The following MYO3A variants were observed in gnomAD, a reference collection of about 807,000 sequenced individuals.
MYO3A encodes the protein myosin IIIA, also known as myosin-IIIa.
Under a neutral mutation model 192.7 loss-of-function variants are expected in MYO3A, and 180 were observed. That is an observed-to-expected ratio of 0.93 (90% CI 0.83 to 1.06). MYO3A has a LOEUF of 1.06. MYO3A is among the 50% of genes least tolerant of loss of function. MYO3A has a pLI of 0.00. For synonymous variants in MYO3A, 628 were observed against 645.3 expected (o/e 0.97, Z 0.41); for missense variants, 1,896 against 1,905.0 (o/e 1.00, Z 0.09).
At chr10:26,052,735 T>C (rs1303634059) in intron 10 of MYO3A, among the ~76,000 whole-genome samples, 4 of 152,182 alleles carry the variant, frequency 2.6e-5, no homozygotes, top group Non-Finnish European at 5.9e-5. Context: ...TTTACAAGAG[T>C]ATTTTAAAGC....
At chr10:25,952,472 A>G (rs72789930) in intron 3 of MYO3A, among the ~76,000 whole-genome samples, 194 bp downstream of exon 3, 7 of 152,308 alleles carry the variant, frequency 4.6e-5, no homozygotes, top group Admixed American at 1.3e-4. Context: ...ATAAGGCACA[A>G]TAAGTACTTG....
intron 4 of MYO3A, among the ~76,000 whole-genome samples, chr10:25,979,853 G>A (rs1053858133): frequency 6.6e-6 from 1 of 152,150 alleles, no homozygotes; most frequent in African/African-American, 2.4e-5. Context: ...GCCAATAGCA[G>A]TTTCACAGCC....
intron 34 of MYO3A, among the ~76,000 whole-genome samples, chr10:26,208,915 G>A (rs1241757943): frequency 1.3e-5 from 2 of 152,090 alleles, no homozygotes; most frequent in South Asian, 2.1e-4. Context: ...CTCCAATGCT[G>A]AGTAAAATCA....
intron 4 of MYO3A, among the ~76,000 whole-genome samples, chr10:25,962,806 A>T (rs987912530): frequency 1.3e-5 from 2 of 152,142 alleles, no homozygotes; most frequent in African/African-American, 4.8e-5. Flanking sequence ...AATTGAGTTA[A>T]ATCAGTCTCA....
At chr10:26,016,971 T>G in intron 7 of MYO3A, 75 bp downstream of exon 7, 1 of 1,373,286 alleles carries the variant, frequency 7.3e-7, no homozygotes, top group Non-Finnish European at 1.0e-6. Context: ...GTACTCTATC[T>G]CTGTAAGCAT....
chr10:26,147,353 TTGA>T (rs758138367), intron 22 of MYO3A, 74 bp from the exon 23 acceptor site: 49 of 1,400,688 alleles, frequency 3.5e-5, no homozygotes, highest in South Asian at 2.4e-4. Flanking sequence ...GTATCTGTTG[TTGA>T]TGATGATGAT....
chr10:26,043,417 G>C (rs1473494885), intron 10 of MYO3A, among the ~76,000 whole-genome samples: 1 of 151,578 alleles, frequency 6.6e-6, no homozygotes, highest in African/African-American at 2.4e-5. Context: ...AGTTCCCTCA[G>C]GCCCTGGGTA....
chr10:26,010,817 A>C (rs930088798), intron 6 of MYO3A, among the ~76,000 whole-genome samples: 1 of 152,200 alleles, frequency 6.6e-6, no homozygotes, highest in African/African-American at 2.4e-5. Context: ...TATTTATTCC[A>C]ATCCCCTAAA....
At chr10:26,132,951 G>T (rs140271188) in intron 20 of MYO3A, among the ~76,000 whole-genome samples, 1 of 152,022 alleles carries the variant, frequency 6.6e-6, no homozygotes, top group African/African-American at 2.4e-5. Flanking sequence ...ATAATTTGTG[G>T]CAATTACAAA....
chr10:26,159,136 G>T (rs566007458), intron 26 of MYO3A, among the ~76,000 whole-genome samples: 1 of 150,944 alleles, frequency 6.6e-6, no homozygotes, highest in Non-Finnish European at 1.5e-5. Flanking sequence ...AACTACAGGC[G>T]CCCGCCACCA....
intron 14 of MYO3A, among the ~76,000 whole-genome samples, chr10:26,080,268 C>A (rs1026833284): frequency 6.6e-6 from 1 of 152,020 alleles, no homozygotes; most frequent in Admixed American, 6.5e-5. Flanking sequence ...AATTTGAAGA[C>A]CTTGTCTTCG....
chr10:25,993,295 G>A (rs768506592), intron 4 of MYO3A, among the ~76,000 whole-genome samples: 18 of 152,224 alleles, frequency 1.2e-4, no homozygotes, highest in South Asian at 4.2e-4. Context: ...ATTTATTTGC[G>A]TAGAGGTGTT....
At chr10:25,935,908 G>A (rs186116743) in intron 2 of MYO3A, 78 bp downstream of exon 2, 88 of 152,242 alleles carry the variant, frequency 5.8e-4, no homozygotes, top group African/African-American at 2.0e-3. Context: ...TTGGGTGCAT[G>A]TTATTCGTGC....
chr10:26,159,421 G>A (rs1467904918), intron 26 of MYO3A, among the ~76,000 whole-genome samples: 6 of 147,072 alleles, frequency 4.1e-5, no homozygotes, highest in East Asian at 4.0e-4. Flanking sequence ...GTGCAGTGGC[G>A]CAATCTTGGC....
chr10:26,021,715 A>G, intron 8 of MYO3A, 67 bp downstream of exon 8: 1 of 1,583,282 alleles, frequency 6.3e-7, no homozygotes. Flanking sequence ...CCAAGTGTTC[A>G]TCATGCTCTT....
At chr10:25,947,385 TTTTC>T (rs1836914980) in intron 2 of MYO3A, among the ~76,000 whole-genome samples, 1 of 133,128 alleles carries the variant, frequency 7.5e-6, no homozygotes, top group Non-Finnish European at 1.6e-5. Context: ...TTTCTTTTCT[TTTTC>T]TTTTTTTTTT....
At position 26,174,073 on chromosome 10, in the gene MYO3A, C is replaced by T. The variant is rs1842189176; in HGVS notation, c.3809C>T (p.Pro1270Leu). 6.2e-7 allele frequency: 1 copy of T among 1,614,062 alleles called. No homozygotes were observed. Among genetic ancestry groups the T allele is most frequent in the Non-Finnish European group, 8.5e-7 (1 of 1,180,036 alleles). The change falls in exon 30 of 35, where the codon CCA (proline) becomes CTA (leucine). Residue 1270 changes from proline (P) to leucine (L), a missense_variant. Pro to Leu is a moderately conservative substitution (Grantham distance 98). Coordinates refer to ENST00000642920, the MANE Select transcript of MYO3A (RefSeq NM_017433.5). ...RKAISERPSY[P>L]VPWLAENETS... is the part of the protein sequence containing the mutation. ...GCCATATCAGAAAGGCCAAGCTACC[C>T]AGTGCCTTGGTTAGCTGAAAATGAG...
chr10:25,935,546 G>T (rs1371984058), intron 1 of MYO3A, among the ~76,000 whole-genome samples, 198 bp from the exon 2 acceptor site: 2 of 152,186 alleles, frequency 1.3e-5, no homozygotes, highest in Non-Finnish European at 1.5e-5. Flanking sequence ...CTTGAGAGTT[G>T]TTTAATGCCA....
intron 14 of MYO3A, among the ~76,000 whole-genome samples, chr10:26,083,506 T>C (rs1488132422): frequency 1.3e-5 from 2 of 152,234 alleles, no homozygotes; most frequent in African/African-American, 4.8e-5. Context: ...CTGGTTGCTC[T>C]TATTAGTACT....
Sources: allele counts gnomAD v4.1 joint callset (sites outside exome capture counted in the v4.1 genomes callset), GRCh38; gene constraint gnomAD v4.1.1; transcripts MANE v1.5; gene names NCBI Gene and HGNC (gene_info 2026-07-23, HGNC 2026-07-21).